Variants in PTPRD observed in about 807,000 individuals in gnomAD.
PTPRD encodes receptor-type tyrosine-protein phosphatase delta.
Under a neutral mutation model 214.5 loss-of-function variants are expected in PTPRD, and 34 were observed. The observed-to-expected ratio is 0.16, with a 90% CI of 0.12 to 0.21. PTPRD has a LOEUF of 0.21. PTPRD is among the 10% of genes least tolerant of loss of function. The pLI, the probability that PTPRD is intolerant of heterozygous loss-of-function variation, is 1.00. For missense variants in PTPRD, 2,545 were observed against 2,398.7 expected, an observed-to-expected ratio of 1.06 and a Z score of -1.27; for synonymous variants, 1,128 against 845.7, an observed-to-expected ratio of 1.33 and a Z score of -5.79.
chr9:8,475,319 T>C lies in PTPRD; in HGVS notation c.3414-4234A>G, dbSNP rs1384167462. Among the ~76,000 whole-genome samples, 3 of 152,220 alleles carry C rather than the reference T, an allele frequency of 2.0e-5. No homozygotes were observed. The South Asian group carries it at 6.2e-4, about 32-fold the overall frequency. On this transcript the variant is annotated intron_variant, in intron 30 of 45. Transcript: ENST00000381196. ...ACTCTCCATGAAACATTCTGAGCCCTTTCTCTGTGATATTCTTCTGTTATT... is the reference window on the plus strand; with the variant it reads ...ACTCTCCATGAAACATTCTGAGCCCCTTCTCTGTGATATTCTTCTGTTATT...
At chr9:10,131,046 A>G (rs578161228) in intron 3 of PTPRD, among the ~76,000 whole-genome samples, 7 of 152,316 alleles carry the variant, frequency 4.6e-5, no homozygotes, top group African/African-American at 1.7e-4. Flanking sequence ...AGTGTCAAGC[A>G]GCACAAAACA....
In PTPRD at chr9:8,655,305, T is replaced by C. The variant is rs530307103; in HGVS notation, c.65-18461A>G. 6.5e-4 allele frequency among the ~76,000 whole-genome samples: 99 copies of C among 152,296 alleles called. No individual in the cohort carries two copies. The South Asian group carries it at 0.02, about 31-fold the overall frequency. ...TCCCCTGCCTCTTTGGGGAAATGTG[T>C]TTTATAATTGTAAGTAGAATTCATA... On this transcript the variant is annotated intron_variant, in intron 12 of 45. Coordinates refer to ENST00000381196, the MANE Select transcript of PTPRD (RefSeq NM_002839.4).
At chr9:8,595,132 G>T (rs2094406415) in intron 14 of PTPRD, among the ~76,000 whole-genome samples, 1 of 150,454 alleles carries the variant, frequency 6.6e-6, no homozygotes, top group Admixed American at 6.6e-5. Flanking sequence ...CAAAGTGCTG[G>T]GATTACAGGT....
At chr9:9,884,996 G>T (rs981043255) in intron 5 of PTPRD, among the ~76,000 whole-genome samples, 1 of 152,034 alleles carries the variant, frequency 6.6e-6, no homozygotes, top group Non-Finnish European at 1.5e-5. Flanking sequence ...TTTCAGAAAA[G>T]CAAAGAAAAC....
intron 7 of PTPRD, among the ~76,000 whole-genome samples, chr9:9,591,094 G>A (rs748660431): frequency 1.3e-5 from 2 of 152,000 alleles, no homozygotes; most frequent in African/African-American, 4.8e-5. Flanking sequence ...TGAAGACTAT[G>A]GACCTTAAAA....
chr9:10,013,630 A>G (rs1353103357), intron 4 of PTPRD, among the ~76,000 whole-genome samples: 1 of 151,726 alleles, frequency 6.6e-6, no homozygotes, highest in East Asian at 1.9e-4. Context: ...GGCAATTACT[A>G]CAAGTGTAAT....
intron 3 of PTPRD, among the ~76,000 whole-genome samples, chr9:10,294,123 T>A (rs141709208): frequency 2.6e-5 from 4 of 152,022 alleles, no homozygotes; most frequent in African/African-American, 9.6e-5. Flanking sequence ...TGATTGGAAA[T>A]TGGCAATATC....
At chr9:8,319,720 G>T in intron 45 of PTPRD, 111 bp downstream of exon 45, 1 of 1,332,488 alleles carries the variant, frequency 7.5e-7, no homozygotes, top group Non-Finnish European at 1.0e-6. Flanking sequence ...ACAGTTTGAT[G>T]CTTTCCCCAC....
chr9:8,540,179 T>G (rs1220402052), intron 14 of PTPRD, among the ~76,000 whole-genome samples: 1 of 152,172 alleles, frequency 6.6e-6, no homozygotes, highest in Non-Finnish European at 1.5e-5. Context: ...TAAACTGTTA[T>G]AATTAATTCA....
At chr9:10,256,759 TTCA>T (rs1177600902) in intron 3 of PTPRD, among the ~76,000 whole-genome samples, 3 of 152,186 alleles carry the variant, frequency 2.0e-5, no homozygotes, top group Admixed American at 1.3e-4. Context: ...AGGCTCAGTA[TTCA>T]TCATGTGTCT....
chr9:9,288,121 T>G (rs1366567749), intron 9 of PTPRD, among the ~76,000 whole-genome samples: 1 of 151,862 alleles, frequency 6.6e-6, no homozygotes, highest in Non-Finnish European at 1.5e-5. Context: ...GTCAGACCAA[T>G]TTGTTTCTTT....
rs138730378 is a variant in PTPRD, at chr9:9,236,224, G to A, written c.-202-52861C>T. 2.4e-3 allele frequency among the ~76,000 whole-genome samples: 372 copies of A among 152,234 alleles called. 1 individual carries two copies. Among genetic ancestry groups the A allele is most frequent in the African/African-American group, 8.6e-3 (356 of 41,540 alleles). ...GCCGAGACTGTGCCATTGCACTCCA[G>A]CCTGGGCAACAAGAACAAAACCCCA... On this transcript the variant is annotated intron_variant, in intron 9 of 45. Coordinates refer to ENST00000381196, the MANE Select transcript of PTPRD (RefSeq NM_002839.4).
chr9:8,605,968 C>T (rs925673093), intron 14 of PTPRD, among the ~76,000 whole-genome samples: 5 of 151,706 alleles, frequency 3.3e-5, no homozygotes, highest in Non-Finnish European at 5.9e-5. Flanking sequence ...TTTCGGGGAG[C>T]GGGGGTGTCG....
chr9:9,043,897 C>A (rs1366927566), intron 10 of PTPRD, among the ~76,000 whole-genome samples: 1 of 143,372 alleles, frequency 7.0e-6, no homozygotes, highest in Non-Finnish European at 1.5e-5. Flanking sequence ...GAGTGAGACC[C>A]TGTCTCAAAA....
At chr9:8,318,727 T>TA (rs969740804) in intron 45 of PTPRD, among the ~76,000 whole-genome samples, 12 of 151,730 alleles carry the variant, frequency 7.9e-5, no homozygotes, top group East Asian at 1.9e-4. Flanking sequence ...AGGCACACAC[T>TA]AAAAAAAAGC....
chr9:10,207,909 TA>T (rs1437052679), intron 3 of PTPRD, among the ~76,000 whole-genome samples: 1 of 152,180 alleles, frequency 6.6e-6, no homozygotes, highest in Non-Finnish European at 1.5e-5. Context: ...AAAAGTAATT[TA>T]CCTATGTTGC....
At chr9:8,465,773 C>T in intron 31 of PTPRD, 98 bp from the exon 32 acceptor site, 1 of 1,009,646 alleles carries the variant, frequency 9.9e-7, no homozygotes, top group Non-Finnish European at 1.4e-6. Flanking sequence ...TGGGAACAAC[C>T]CAAATGCAAT....
intron 3 of PTPRD, among the ~76,000 whole-genome samples, chr9:10,295,250 G>A (rs985719441): frequency 2.0e-5 from 3 of 151,944 alleles, no homozygotes; most frequent in East Asian, 1.9e-4. Flanking sequence ...TTAAGATTTC[G>A]GTTAACACCA....
At chr9:8,532,493 T>C (rs1239063643) in intron 14 of PTPRD, among the ~76,000 whole-genome samples, 1 of 151,988 alleles carries the variant, frequency 6.6e-6, no homozygotes. Context: ...CACACAAACT[T>C]TCACAGGAAA....
Sources: gnomAD v4.1 joint callset for allele counts (sites outside exome capture counted in the v4.1 genomes callset) on GRCh38, gnomAD v4.1.1 for gene constraint, MANE v1.5 for transcripts, NCBI Gene and HGNC (gene_info 2026-07-23, HGNC 2026-07-21) for gene names.